Variants in SHROOM2 observed in about 807,000 individuals in gnomAD.
SHROOM2 encodes shroom family member 2.
A neutral mutation model predicts 75.9 loss-of-function variants in SHROOM2; 33 were observed. The observed-to-expected ratio is 0.43, with a 90% CI of 0.33 to 0.58. SHROOM2 has a LOEUF of 0.58. SHROOM2 is among the 20% of genes least tolerant of loss of function. The pLI is 0.04. For missense variants in SHROOM2, 1,434 were observed against 1,461.2 expected (o/e 0.98, Z 0.30); for synonymous variants, 655 against 663.6 (o/e 0.99, Z 0.20).
chrX:9,945,256 A>G (rs1446559702), intron 9 of SHROOM2, among the ~76,000 whole-genome samples: 1 of 110,131 alleles, frequency 9.1e-6, no homozygotes, highest in Non-Finnish European at 1.9e-5. Context: ...TCCCAGGTGC[A>G]TGCCACCATG....
At chrX:9,833,107 CTG>C (rs1320905432) in intron 1 of SHROOM2, among the ~76,000 whole-genome samples, 2 of 111,131 alleles carry the variant, frequency 1.8e-5, no homozygotes. Context: ...CCCTGGGACT[CTG>C]TTGACTAGGA....
chrX:9,913,894 A>G (rs986363433), intron 5 of SHROOM2, among the ~76,000 whole-genome samples: 1 of 112,143 alleles, frequency 8.9e-6, no homozygotes. Flanking sequence ...TCTTTTCATT[A>G]CGGAATAGAA....
chrX:9,891,891 G>GCA (rs2147013187), intron 3 of SHROOM2, among the ~76,000 whole-genome samples: 1 of 107,167 alleles, frequency 9.3e-6, no homozygotes, highest in African/African-American at 3.6e-5. Flanking sequence ...GTGTGTGTGT[G>GCA]TGCGCGTGCG....
chrX:9,806,547 C>G (rs1406883982), intron 1 of SHROOM2, among the ~76,000 whole-genome samples: 2 of 103,709 alleles, frequency 1.9e-5, no homozygotes, highest in African/African-American at 3.6e-5. Context: ...CCAGCACAAT[C>G]ATCACATGCA....
chrX:9,818,618 C>A (rs2083835528), intron 1 of SHROOM2: 2 of 322,313 alleles, frequency 6.2e-6, no homozygotes, highest in East Asian at 7.3e-5. Context: ...GTGACAAAAT[C>A]ATAAGAAATG....
At chrX:9,925,337 T>G (rs2084584387) in intron 5 of SHROOM2, among the ~76,000 whole-genome samples, 1 of 112,699 alleles carries the variant, frequency 8.9e-6, no homozygotes, top group Non-Finnish European at 1.9e-5. Flanking sequence ...TTCTTCAGCG[T>G]GTGAACACCT....
chrX:9,911,829 T>G (rs5978348), intron 5 of SHROOM2, among the ~76,000 whole-genome samples: 56,071 of 109,777 alleles, frequency 0.51, 12,895 homozygotes, highest in African/African-American at 0.87. Flanking sequence ...GTTTTCTTTT[T>G]CCTCCTTATG....
At chrX:9,926,011 C>T (rs1418039500) in intron 5 of SHROOM2, among the ~76,000 whole-genome samples, 1 of 111,680 alleles carries the variant, frequency 9.0e-6, no homozygotes, top group Non-Finnish European at 1.9e-5. Context: ...GTCACAGAGG[C>T]CTGTGTCCAG....
chrX:9,829,719 C>A (rs2054514016), intron 1 of SHROOM2, among the ~76,000 whole-genome samples: 1 of 112,261 alleles, frequency 8.9e-6, no homozygotes, highest in South Asian at 3.7e-4. Context: ...GAAGGTATTT[C>A]TAAGCCAGAA....
At chrX:9,853,276 C>T (rs749200440) in intron 1 of SHROOM2, among the ~76,000 whole-genome samples, 2 of 111,912 alleles carry the variant, frequency 1.8e-5, no homozygotes, top group South Asian at 7.5e-4. Flanking sequence ...TCCTGATCTC[C>T]TTCTGGAACA....
chrX:9,940,695 AT>A (rs1167950576), intron 8 of SHROOM2, among the ~76,000 whole-genome samples: 1 of 112,720 alleles, frequency 8.9e-6, no homozygotes. Flanking sequence ...GATGTCGCAC[AT>A]TCCTGCAACG....
rs771599780 is a variant in SHROOM2, at chrX:9,886,031, A to T, written c.318-4946A>T. On this transcript the variant is annotated intron_variant, in intron 2 of 9. Coordinates refer to ENST00000380913, the MANE Select transcript of SHROOM2 (RefSeq NM_001649.4). ...GTAAGAACACATATATCTGTATATT[A>T]TCTTTTTAAAAAGCAGCTTCTGGGT... is the stretch of plus-strand genomic sequence containing the variant. 1.9e-4 allele frequency among the ~76,000 whole-genome samples: 21 copies of T among 111,594 alleles called. No individual in the cohort carries two copies. The South Asian group carries it at 4.8e-3, about 26-fold the overall frequency.
rs915869070 is a variant in SHROOM2, at chrX:9,895,578, G to A, written c.1670G>A (p.Arg557His). 13 of 1,167,845 alleles carry A rather than the reference G, an allele frequency of 1.1e-5. No individual in the cohort carries two copies. Among genetic ancestry groups the A allele is most frequent in the Admixed American group, 2.5e-5 (1 of 39,462 alleles). The change falls in exon 4 of 10, where the codon CGT (arginine) becomes CAT (histidine). Residue 557 changes from arginine (R) to histidine (H), a missense_variant. Physicochemically the swap from Arg to His is conservative, Grantham distance 29 (BLOSUM62 0). This residue lies in a region of SHROOM2 where 1,340 missense variants were observed against 1,338.3 expected (regional missense o/e 1.00). Transcript: ENST00000380913. ...AGAQEPPRAS[R>H]AEKASQRLAA... ...GCCCAGGAGCCTCCCAGGGCCAGCC[G>A]TGCAGAAAAAGCCAGCCAGAGGCTG... is the stretch of plus-strand genomic sequence containing the variant.
chrX:9,878,722 CACCCCCA>C (rs1448862465), intron 2 of SHROOM2, among the ~76,000 whole-genome samples: 1 of 110,594 alleles, frequency 9.0e-6, no homozygotes, highest in Non-Finnish European at 1.9e-5. Flanking sequence ...AGCAGGTTTA[CACCCCCA>C]CCCCACTCCC....
intron 1 of SHROOM2, among the ~76,000 whole-genome samples, chrX:9,843,720 C>T (rs2083991590): frequency 8.9e-6 from 1 of 112,412 alleles, no homozygotes; most frequent in East Asian, 2.8e-4. Context: ...TTTAGTCTTC[C>T]TGTCACCTTA....
At chrX:9,865,864 G>C (rs2084134533) in intron 1 of SHROOM2, among the ~76,000 whole-genome samples, 1 of 110,189 alleles carries the variant, frequency 9.1e-6, no homozygotes, top group Non-Finnish European at 1.9e-5. Context: ...CTGGCCTCCT[G>C]CTGCCTTTTT....
At chrX:9,834,981 G>A (rs140303469) in intron 1 of SHROOM2, among the ~76,000 whole-genome samples, 1,570 of 112,810 alleles carry the variant, frequency 0.014, 22 homozygotes, top group African/African-American at 0.048. Context: ...TGGTGCTGTC[G>A]TGTCCTACCC....
intron 1 of SHROOM2, among the ~76,000 whole-genome samples, chrX:9,866,885 G>A (rs2084142142): frequency 1.8e-5 from 2 of 110,442 alleles, no homozygotes; most frequent in African/African-American, 3.3e-5. Flanking sequence ...CTGCCTCCAC[G>A]CCCTTCTTCA....
chrX:9,864,761 C>A (rs1416288083), intron 1 of SHROOM2, among the ~76,000 whole-genome samples: 1 of 106,828 alleles, frequency 9.4e-6, no homozygotes, highest in East Asian at 2.9e-4. Flanking sequence ...GGAGGCGGAG[C>A]TTGCAGTGAG....
Sources: allele counts gnomAD v4.1 joint callset (sites outside exome capture counted in the v4.1 genomes callset), GRCh38; gene constraint gnomAD v4.1.1; regional missense constraint gnomAD v4.1.1; transcripts MANE v1.5; gene names NCBI Gene and HGNC (gene_info 2026-07-23, HGNC 2026-07-21).